MSRA: variants seen among roughly 807,000 people sequenced by gnomAD.
MSRA encodes the protein mitochondrial peptide methionine sulfoxide reductase.
Under a neutral mutation model 31.3 loss-of-function variants are expected in MSRA, and 54 were observed. That is an observed-to-expected ratio of 1.73 (90% CI 1.39 to 2.17). MSRA has a LOEUF of 2.17. MSRA is among the 30% of genes most tolerant of loss of function. MSRA has a pLI of 0.00. For missense variants in MSRA, 507 were observed against 300.9 expected (o/e 1.69, Z -5.07); for synonymous variants, 169 against 116.5 (o/e 1.45, Z -2.90).
intron 1 of MSRA, among the ~76,000 whole-genome samples, chr8:10,147,790 G>T (rs772069432): frequency 6.6e-6 from 1 of 152,174 alleles, no homozygotes; most frequent in African/African-American, 2.4e-5. Flanking sequence ...CACCCCCCAC[G>T]TCCCAGGGGC....
chr8:10,226,562 C>T (rs1381891501), intron 2 of MSRA, among the ~76,000 whole-genome samples: 1 of 152,174 alleles, frequency 6.6e-6, no homozygotes, highest in African/African-American at 2.4e-5. Flanking sequence ...ATCTCCTACC[C>T]ACTCTAGTAG....
At chr8:10,354,172 G>A (rs1041105026) in intron 5 of MSRA, among the ~76,000 whole-genome samples, 4 of 152,142 alleles carry the variant, frequency 2.6e-5, no homozygotes, top group African/African-American at 9.7e-5. Context: ...TTGTTTGTAA[G>A]CCCTGAATGA....
intron 3 of MSRA, among the ~76,000 whole-genome samples, chr8:10,254,789 G>A (rs1053817606): frequency 6.6e-5 from 10 of 152,208 alleles, no homozygotes; most frequent in East Asian, 3.8e-4. Context: ...TGTCTTTCGT[G>A]AGCATTTTAG....
rs1803671618 is a variant in MSRA at position 10,151,458 on chromosome 8, A to G, written c.143-56375A>G. 4.6e-5 allele frequency among the ~76,000 whole-genome samples: 7 copies of G among 151,782 alleles called. No individual in the cohort carries two copies. The South Asian group carries it at 1.5e-3, about 32-fold the overall frequency. ...GGATATCGAGACCATCCTGGCTAAC[A>G]TGGTGAAACCCCGTCTCTACTAAAA... On this transcript the variant is annotated intron_variant, in intron 1 of 5. Coordinates refer to ENST00000317173, the MANE Select transcript of MSRA (RefSeq NM_012331.5).
At chr8:10,195,519 G>A (rs993182868) in intron 1 of MSRA, among the ~76,000 whole-genome samples, 7 of 152,326 alleles carry the variant, frequency 4.6e-5, no homozygotes, top group Admixed American at 4.6e-4. Context: ...AGGATTACAG[G>A]TGTGAGCCAC....
intron 1 of MSRA, among the ~76,000 whole-genome samples, chr8:10,166,721 T>A (rs1453344497): frequency 2.0e-5 from 3 of 152,224 alleles, no homozygotes. Context: ...TTTACAACTC[T>A]GTGACATTTT....
intron 1 of MSRA, among the ~76,000 whole-genome samples, chr8:10,187,469 G>A (rs1807149883): frequency 1.3e-5 from 2 of 152,302 alleles, no homozygotes; most frequent in South Asian, 4.1e-4. Context: ...TAGGACTGCA[G>A]CAGCTAGAGT....
chr8:10,363,091 C>T (rs971383879), intron 5 of MSRA, among the ~76,000 whole-genome samples: 4 of 152,250 alleles, frequency 2.6e-5, no homozygotes, highest in Non-Finnish European at 5.9e-5. Context: ...GTGAGCAAAA[C>T]ATTTTCCCCC....
chr8:10,278,251 T>A (rs1448054728), intron 3 of MSRA, among the ~76,000 whole-genome samples: 4 of 152,178 alleles, frequency 2.6e-5, no homozygotes, highest in Non-Finnish European at 5.9e-5. Flanking sequence ...CGGGTCTCTG[T>A]CTGGGCCATC....
chr8:10,417,583 C>T (rs899893368), intron 5 of MSRA, among the ~76,000 whole-genome samples: 1 of 152,110 alleles, frequency 6.6e-6, no homozygotes, highest in African/African-American at 2.4e-5. Flanking sequence ...GGAGCCTCTG[C>T]CCAGCTCAGA....
intron 1 of MSRA, among the ~76,000 whole-genome samples, chr8:10,075,720 G>A (rs1411104023): frequency 1.3e-5 from 2 of 152,160 alleles, no homozygotes; most frequent in South Asian, 2.1e-4. Flanking sequence ...AAGAACTCTC[G>A]TAAGGTGGTT....
In MSRA at chr8:10,402,018, G is replaced by A. The variant is rs11785061; in HGVS notation, c.544-26130G>A. On this transcript the variant is annotated intron_variant, in intron 5 of 5. Transcript: ENST00000317173. ...GTAAATGTACTTAATGCATTTAATT[G>A]TATACTTACAATGCCTAAAATAGTA... 2.6e-5 allele frequency among the ~76,000 whole-genome samples: 4 copies of A among 152,092 alleles called. No individual in the cohort carries two copies. In the South Asian group the frequency reaches 8.3e-4, roughly 32 times the overall value.
At chr8:10,420,576 G>A (rs1808747351) in intron 5 of MSRA, among the ~76,000 whole-genome samples, 2 of 152,134 alleles carry the variant, frequency 1.3e-5, no homozygotes, top group African/African-American at 4.8e-5. Context: ...CAGCTAGGAT[G>A]ATGCGGGCCT....
chr8:10,423,463 G>A (rs1287367622), intron 5 of MSRA, among the ~76,000 whole-genome samples: 1 of 148,506 alleles, frequency 6.7e-6, no homozygotes, highest in African/African-American at 2.4e-5. Flanking sequence ...GCCGGCACCT[G>A]CATAGCTTGG....
At chr8:10,144,335 T>C (rs1358877240) in intron 1 of MSRA, among the ~76,000 whole-genome samples, 2 of 152,140 alleles carry the variant, frequency 1.3e-5, no homozygotes, top group African/African-American at 4.8e-5. Flanking sequence ...ACCTCCTAGG[T>C]GTGTGACCTT....
chr8:10,104,389 A>T (rs1799739376), intron 1 of MSRA, among the ~76,000 whole-genome samples: 1 of 152,204 alleles, frequency 6.6e-6, no homozygotes, highest in Admixed American at 6.5e-5. Context: ...GCCCAGGGTG[A>T]TGGGGGTACA....
At chr8:10,235,120 T>G (rs1357594873) in intron 2 of MSRA, among the ~76,000 whole-genome samples, 4 of 152,106 alleles carry the variant, frequency 2.6e-5, no homozygotes, top group Admixed American at 6.5e-5. Flanking sequence ...GAGAGAAATT[T>G]TATGCTTTTC....
chr8:10,393,282 C>A (rs1406978844), intron 5 of MSRA, among the ~76,000 whole-genome samples: 1 of 152,120 alleles, frequency 6.6e-6, no homozygotes, highest in Non-Finnish European at 1.5e-5. Flanking sequence ...GTTTCCTTGC[C>A]ATTGGCTGGG....
intron 2 of MSRA, among the ~76,000 whole-genome samples, chr8:10,219,415 C>G (rs1277077018): frequency 6.6e-6 from 1 of 152,150 alleles, no homozygotes; most frequent in Non-Finnish European, 1.5e-5. Flanking sequence ...CTTTTTTAAT[C>G]TCATACACAT....
Sources: gnomAD v4.1 joint callset for allele counts (sites outside exome capture counted in the v4.1 genomes callset) on GRCh38, gnomAD v4.1.1 for gene constraint, MANE v1.5 for transcripts, NCBI Gene and HGNC (gene_info 2026-07-23, HGNC 2026-07-21) for gene names.